UBOX5: variants seen among roughly 807,000 people sequenced by gnomAD.
UBOX5 encodes the protein U-box domain containing 5, also known as RING finger protein 37.
In UBOX5, 28 loss-of-function variants were observed where a neutral mutation model predicts 39.0. That is an observed-to-expected ratio of 0.72 (90% CI 0.53 to 0.98). UBOX5 has a LOEUF of 0.98. Among genes scored for constraint, UBOX5 ranks in the 50% least tolerant of loss-of-function variants. UBOX5 has a pLI of 0.00. For missense variants in UBOX5, 585 were observed against 674.4 expected (o/e 0.87, Z 1.47); for synonymous variants, 283 against 275.5 (o/e 1.03, Z -0.27).
Position 3,109,918 on chromosome 20 carries a change from C to G in UBOX5, c.*188G>C. On this transcript the variant is annotated 3_prime_UTR_variant, in exon 5 of 5. Coordinates refer to ENST00000217173, the MANE Select transcript of UBOX5 (RefSeq NM_014948.4). The stretch of plus-strand genomic sequence containing the variant: ...CATCCCCCCGCCCTCTGGCCTATGG[C>G]TTTGTTGCCCTATTGCCACCAGCGC... The G allele has an allele frequency of 1.5e-6, 1 of 685,700 alleles. No homozygotes were observed. The highest frequency in any genetic ancestry group is 1.9e-5 in the South Asian group (1 of 53,136). The allele number at this position is 685,700 out of a possible 1,614,324, so 42.5% of individuals were successfully genotyped here. A position where few individuals can be genotyped will look rare whatever the true frequency, so the allele number is the denominator to read the frequency against.
chr20:3,146,241 T>C (rs2066560941), intron 1 of UBOX5, among the ~76,000 whole-genome samples: 1 of 151,604 alleles, frequency 6.6e-6, no homozygotes, highest in African/African-American at 2.4e-5. Flanking sequence ...CTCGGGAGGA[T>C]GAGGCAGGAG....
At chr20:3,135,004 A>G (rs2066458837) in intron 1 of UBOX5, among the ~76,000 whole-genome samples, 1 of 152,202 alleles carries the variant, frequency 6.6e-6, no homozygotes, top group South Asian at 2.1e-4. Flanking sequence ...GAAAAGAAAT[A>G]ATTAGAAGAG....
intron 1 of UBOX5, among the ~76,000 whole-genome samples, chr20:3,133,173 C>G (rs536911462): frequency 3.9e-5 from 6 of 152,096 alleles, no homozygotes; most frequent in African/African-American, 1.2e-4. Context: ...TCCGTAAGAA[C>G]CTGGTTGCTA....
chr20:3,144,216 G>C (rs754590423), intron 1 of UBOX5, among the ~76,000 whole-genome samples: 5 of 152,110 alleles, frequency 3.3e-5, no homozygotes, highest in Non-Finnish European at 5.9e-5. Flanking sequence ...AGGACCATGA[G>C]TAGCCAAAAC....
In UBOX5 at chr20:3,149,861, T is replaced by C. The variant is rs1378442975; in HGVS notation, c.-42+9905A>G. On this transcript the variant is annotated intron_variant, in intron 1 of 4. Coordinates refer to ENST00000217173, the MANE Select transcript of UBOX5 (RefSeq NM_014948.4). The surrounding 1 kb of genome is among the most constrained non-coding windows in gnomAD (Gnocchi z 4.1). ...GGCGAAATCCCGTCTCTATTAAAAA[T>C]ACAAAAAATTACCCAGGTGTGGCAG... 2.0e-5 allele frequency among the ~76,000 whole-genome samples: 3 copies of C among 151,734 alleles called. No individual in the cohort carries two copies. Among genetic ancestry groups the C allele is most frequent in the Admixed American group, 6.6e-5 (1 of 15,206 alleles).
chr20:3,109,949 C>T lies in UBOX5; in HGVS notation c.*157G>A. The T allele has an allele frequency of 1.2e-6, 1 of 812,014 alleles. No homozygotes were observed. The highest frequency in any genetic ancestry group is 1.9e-6 in the Non-Finnish European group (1 of 518,644). The allele number at this position is 812,014 out of a possible 1,614,324, so 50.3% of individuals were successfully genotyped here. On this transcript the variant is annotated 3_prime_UTR_variant, in exon 5 of 5. Coordinates refer to ENST00000217173, the MANE Select transcript of UBOX5 (RefSeq NM_014948.4). ...TGCCCTATTGCCACCAGCGCAGAAG[C>T]AATGTGCTATACCGTGAGGTGATGA... is the stretch of plus-strand genomic sequence containing the variant.
chr20:3,140,258 G>A (rs957006323), intron 1 of UBOX5, among the ~76,000 whole-genome samples: 2 of 152,030 alleles, frequency 1.3e-5, no homozygotes, highest in East Asian at 1.9e-4. Context: ...CTGACCTCAG[G>A]TGATCCGCCC....
chr20:3,156,938 T>C (rs978715589), intron 1 of UBOX5: 1 of 152,108 alleles, frequency 6.6e-6, no homozygotes, highest in Admixed American at 6.6e-5. Flanking sequence ...TCTCAGCAAA[T>C]AATTTGTTGA....
chr20:3,157,201 G>A (rs1296859358), intron 1 of UBOX5, among the ~76,000 whole-genome samples: 1 of 152,224 alleles, frequency 6.6e-6, no homozygotes, highest in Non-Finnish European at 1.5e-5. Context: ...GAGACTGGCA[G>A]TAAGGACCTT....
At position 3,149,021 on chromosome 20, in the gene UBOX5, C is replaced by T; in HGVS notation, c.-42+10745G>A. 1 of 1,613,868 alleles carries T rather than the reference C, an allele frequency of 6.2e-7. No individual in the cohort carries two copies. The highest frequency in any genetic ancestry group is 1.3e-5 in the African/African-American group (1 of 75,028). On this transcript the variant is annotated intron_variant, in intron 1 of 4. Transcript: ENST00000217173. This position sits in a 1 kb window ranked among gnomAD's most constrained non-coding sequence, Gnocchi z 4.1. ...GACTGCACCAAAGGCAGAAGGACTG[C>T]AAAATGCTCGGTATCTTACAAGTTT...
At chr20:3,141,350 T>C (rs1320768730) in intron 1 of UBOX5, among the ~76,000 whole-genome samples, 1 of 152,104 alleles carries the variant, frequency 6.6e-6, no homozygotes, top group East Asian at 1.9e-4. Context: ...AAACTAGGAA[T>C]AAAAAATAAC....
chr20:3,139,406 G>C (rs1033065369), intron 1 of UBOX5, among the ~76,000 whole-genome samples: 11 of 144,490 alleles, frequency 7.6e-5, no homozygotes, highest in Non-Finnish European at 1.7e-4. Context: ...TTTATTTATT[G>C]AGACAAGAGT....
At chr20:3,152,734 G>A (rs1013506898) in intron 1 of UBOX5, among the ~76,000 whole-genome samples, 5 of 151,654 alleles carry the variant, frequency 3.3e-5, no homozygotes, top group African/African-American at 1.2e-4. Context: ...ATGGGGAAAC[G>A]CCATCTCTAC....
intron 1 of UBOX5, among the ~76,000 whole-genome samples, chr20:3,134,226 T>C (rs777991003): frequency 6.6e-6 from 1 of 152,170 alleles, no homozygotes; most frequent in Non-Finnish European, 1.5e-5. Flanking sequence ...AGGTTTTCCA[T>C]ATTGAAATGT....
rs1400413006 is a variant in UBOX5 at position 3,144,487 on chromosome 20, T to C, written c.-42+15279A>G. Reference sequence around the variant, plus strand: ...ATGCTACATATAAAAATTAACTCAATGTGATCAAAGACCTAAATATAAAGA... The same window carrying C: ...ATGCTACATATAAAAATTAACTCAACGTGATCAAAGACCTAAATATAAAGA... On this transcript the variant is annotated intron_variant, in intron 1 of 4. Transcript: ENST00000217173. Among the ~76,000 whole-genome samples the C allele has an allele frequency of 3.3e-5, 5 of 152,190 alleles. No individual in the cohort carries two copies. The East Asian group carries it at 9.7e-4, about 29-fold the overall frequency.
At chr20:3,131,524 ATATT>A (rs1363384624) in intron 1 of UBOX5, among the ~76,000 whole-genome samples, 1 of 152,172 alleles carries the variant, frequency 6.6e-6, no homozygotes, top group Non-Finnish European at 1.5e-5. Flanking sequence ...TATTTTGCTC[ATATT>A]TAATTTTAGA....
intron 1 of UBOX5, among the ~76,000 whole-genome samples, chr20:3,156,173 CTTT>C (rs761149925): frequency 8.5e-5 from 11 of 130,148 alleles, no homozygotes; most frequent in African/African-American, 1.4e-4. Context: ...ACTTCTGACT[CTTT>C]TTTTTTTTTT....
At chr20:3,124,266 G>C (rs1161372816) in intron 1 of UBOX5, among the ~76,000 whole-genome samples, 1 of 152,146 alleles carries the variant, frequency 6.6e-6, no homozygotes, top group Non-Finnish European at 1.5e-5. Flanking sequence ...TGTTGCCGAG[G>C]CTGGACTGTA....
Position 3,112,505 on chromosome 20 carries a change from G to A in UBOX5, c.1418-2191C>T, listed in dbSNP as rs117185561. Among the ~76,000 whole-genome samples the A allele has an allele frequency of 1.3e-3, 204 of 151,880 alleles. 5 individuals are homozygous for A. In the East Asian group the frequency reaches 0.036, roughly 27 times the overall value. On this transcript the variant is annotated intron_variant, in intron 4 of 4. Coordinates refer to ENST00000217173, the MANE Select transcript of UBOX5 (RefSeq NM_014948.4). ...AGGATGGAAACCCAAGTATATAACTGCAAACTGAGGTGACAGAGAGGATAA... is the reference window on the plus strand; with the variant it reads ...AGGATGGAAACCCAAGTATATAACTACAAACTGAGGTGACAGAGAGGATAA...
Sources: allele counts gnomAD v4.1 joint callset (sites outside exome capture counted in the v4.1 genomes callset), GRCh38; gene constraint gnomAD v4.1.1; non-coding constraint Gnocchi (gnomAD v3.1); transcripts MANE v1.5; gene names NCBI Gene and HGNC (gene_info 2026-07-23, HGNC 2026-07-21).